LSAMP: variants seen among roughly 807,000 people sequenced by gnomAD.
The protein encoded by LSAMP is limbic system associated membrane protein.
A neutral mutation model predicts 38.6 loss-of-function variants in LSAMP; 7 were observed. That is an observed-to-expected ratio of 0.18 (90% CI 0.10 to 0.34). The LOEUF is 0.34. Ranked by LOEUF, LSAMP falls within the 10% of genes least tolerant of loss-of-function variation. The pLI, the probability that LSAMP is intolerant of heterozygous loss-of-function variation, is 1.00. For synonymous variants in LSAMP, 154 were observed against 166.8 expected, an observed-to-expected ratio of 0.92 and a Z score of 0.59; for missense variants, 313 against 420.0, an observed-to-expected ratio of 0.75 and a Z score of 2.23.
At chr3:115,846,261 C>T (rs1935155420) in intron 4 of LSAMP, among the ~76,000 whole-genome samples, 1 of 152,136 alleles carries the variant, frequency 6.6e-6, no homozygotes, top group Non-Finnish European at 1.5e-5. Context: ...TTACAATTGT[C>T]AAAGGACTCT....
chr3:116,151,604 T>C (rs147828621), intron 1 of LSAMP, among the ~76,000 whole-genome samples: 5 of 152,108 alleles, frequency 3.3e-5, no homozygotes, highest in African/African-American at 1.2e-4. Flanking sequence ...CGCTAAGAAT[T>C]GGAGGTAGGA....
At chr3:116,354,564 A>T (rs921500509) in intron 1 of LSAMP, among the ~76,000 whole-genome samples, 3 of 152,330 alleles carry the variant, frequency 2.0e-5, no homozygotes, top group Non-Finnish European at 2.9e-5. Flanking sequence ...CAATTATAAA[A>T]TTTTACAGCT....
At position 116,232,699 on chromosome 3, in the gene LSAMP, C is replaced by CTTTTTTTTTTTTTTTTTTTTTTT. The variant is rs1219296323; in HGVS notation, c.156-146144_156-146143insAAAAAAAAAAAAAAAAAAAAAAA. Among the ~76,000 whole-genome samples the CTTTTTTTTTTTTTTTTTTTTTTT allele has an allele frequency of 4.0e-5, 4 of 99,474 alleles. 1 individual carries two copies. The highest frequency in any genetic ancestry group is 8.9e-4 in the South Asian group (2 of 2,242). 65.3% of individuals were successfully genotyped at this position (99,474 alleles called of 152,430 possible). A position where few individuals can be genotyped will look rare whatever the true frequency, so the allele number is the denominator to read the frequency against. ...TTAATTTTCTTTTCTTTCTTTCTTT[C>CTTTTTTTTTTTTTTTTTTTTTTT]TTTTTTTTTTTTTTTTTCCAGCAGG... is the stretch of plus-strand genomic sequence containing the variant. On this transcript the variant is annotated intron_variant, in intron 1 of 6. Transcript: ENST00000490035.
chr3:116,340,757 A>G (rs1332220024), intron 1 of LSAMP, among the ~76,000 whole-genome samples: 3 of 152,160 alleles, frequency 2.0e-5, no homozygotes, highest in Admixed American at 6.6e-5. Flanking sequence ...CCAAGGCTCT[A>G]TTAGAAAAAG....
At chr3:116,427,275 C>G (rs6777473) in intron 1 of LSAMP, among the ~76,000 whole-genome samples, 2 of 151,124 alleles carry the variant, frequency 1.3e-5, no homozygotes, top group Non-Finnish European at 3.0e-5. Context: ...CGCCCACCAC[C>G]GCGCCCGGCT....
intron 1 of LSAMP, among the ~76,000 whole-genome samples, chr3:116,315,795 A>T (rs2047620859): frequency 6.6e-6 from 1 of 152,204 alleles, no homozygotes; most frequent in African/African-American, 2.4e-5. Context: ...ACTGAAGATA[A>T]AATAGAAGCA....
intron 1 of LSAMP, among the ~76,000 whole-genome samples, chr3:116,430,081 C>T (rs2049261160): frequency 6.6e-6 from 1 of 152,056 alleles, no homozygotes; most frequent in Non-Finnish European, 1.5e-5. Flanking sequence ...TAATCTTATG[C>T]ATGTGTATGA....
chr3:116,002,286 G>C (rs1940018544), intron 3 of LSAMP, among the ~76,000 whole-genome samples: 3 of 152,004 alleles, frequency 2.0e-5, no homozygotes, highest in African/African-American at 7.2e-5. Flanking sequence ...GTTTCCTAGA[G>C]CTTGCATTTA....
At chr3:116,061,606 A>G (rs1941595837) in intron 2 of LSAMP, among the ~76,000 whole-genome samples, 1 of 152,140 alleles carries the variant, frequency 6.6e-6, no homozygotes, top group Non-Finnish European at 1.5e-5. Context: ...CTAAGTTCCA[A>G]CACCTCCAGT....
chr3:116,264,926 C>G (rs1015954436), intron 1 of LSAMP, among the ~76,000 whole-genome samples: 1 of 152,120 alleles, frequency 6.6e-6, no homozygotes, highest in African/African-American at 2.4e-5. Flanking sequence ...CTAGCAGCAC[C>G]TTCCTTCCCT....
At chr3:116,317,651 G>A (rs532262057) in intron 1 of LSAMP, among the ~76,000 whole-genome samples, 22 of 150,630 alleles carry the variant, frequency 1.5e-4, no homozygotes, top group African/African-American at 4.1e-4. Flanking sequence ...CCCCGCGCCC[G>A]GCCCCAAAGA....
At chr3:115,962,767 G>A (rs566047806) in intron 3 of LSAMP, among the ~76,000 whole-genome samples, 1 of 152,186 alleles carries the variant, frequency 6.6e-6, no homozygotes. Flanking sequence ...CATTGCCTTC[G>A]CATGGGTAGA....
intron 1 of LSAMP, among the ~76,000 whole-genome samples, chr3:116,161,041 G>T (rs1049031440): frequency 3.9e-5 from 6 of 152,212 alleles, no homozygotes; most frequent in African/African-American, 1.4e-4. Context: ...TACTTAAAAA[G>T]TAGCTAGTGC....
At chr3:116,431,267 C>T (rs2049278001) in intron 1 of LSAMP, among the ~76,000 whole-genome samples, 1 of 151,904 alleles carries the variant, frequency 6.6e-6, no homozygotes, top group South Asian at 2.1e-4. Flanking sequence ...CTATTGGAAG[C>T]CTGTTGAAGT....
chr3:116,164,023 G>A (rs996537940), intron 1 of LSAMP, among the ~76,000 whole-genome samples: 1 of 151,850 alleles, frequency 6.6e-6, no homozygotes, highest in Non-Finnish European at 1.5e-5. Context: ...CTAGAAAAAT[G>A]TATGTATTAC....
Position 115,803,025 on chromosome 3 carries a change from T to C in LSAMP, c.*7292A>G, listed in dbSNP as rs1380349145. On this transcript the variant is annotated 3_prime_UTR_variant, in exon 7 of 7. Transcript: ENST00000490035. ...AAAAGAGGCTCCTGGTAGCTTGGGA[T>C]TGCTGCAGCGTGCCATGAAGCTAGG... 3 of 152,180 alleles carry C rather than the reference T, an allele frequency of 2.0e-5. No individual in the cohort carries two copies. The highest frequency in any genetic ancestry group is 6.5e-5 in the Admixed American group (1 of 15,280). 9.4% of individuals were successfully genotyped at this position (152,180 alleles called of 1,614,324 possible). A position where few individuals can be genotyped will look rare whatever the true frequency, so the allele number is the denominator to read the frequency against.
chr3:115,855,599 G>T (rs1328863618), intron 3 of LSAMP, among the ~76,000 whole-genome samples: 2 of 152,166 alleles, frequency 1.3e-5, no homozygotes, highest in Non-Finnish European at 2.9e-5. Flanking sequence ...GCAGGCTCAA[G>T]GTGCAAACCA....
chr3:116,251,361 G>A (rs2046682247), intron 1 of LSAMP, among the ~76,000 whole-genome samples: 1 of 152,100 alleles, frequency 6.6e-6, no homozygotes, highest in South Asian at 2.1e-4. Flanking sequence ...AGTACAAAAG[G>A]TAGAGATAGA....
chr3:116,185,280 T>C (rs2107574728), intron 1 of LSAMP, among the ~76,000 whole-genome samples: 1 of 152,094 alleles, frequency 6.6e-6, no homozygotes, highest in East Asian at 1.9e-4. Context: ...CATCTGAAAA[T>C]CTTATCATGT....
Sources: gnomAD v4.1 joint callset for allele counts (sites outside exome capture counted in the v4.1 genomes callset) on GRCh38, gnomAD v4.1.1 for gene constraint, MANE v1.5 for transcripts, NCBI Gene and HGNC (gene_info 2026-07-23, HGNC 2026-07-21) for gene names.